The following CFI variants were observed in gnomAD, a reference collection of about 807,000 sequenced individuals.
CFI encodes C3B/C4B inactivator.
Under a neutral mutation model 78.8 loss-of-function variants are expected in CFI, and 66 were observed. The observed-to-expected ratio is 0.84, with a 90% CI of 0.69 to 1.03. The LOEUF is 1.03. Among genes scored for constraint, CFI ranks in the 50% least tolerant of loss-of-function variants. CFI has a pLI of 0.00. For synonymous variants in CFI, 250 were observed against 232.6 expected (o/e 1.07, Z -0.68); for missense variants, 706 against 704.5 (o/e 1.00, Z -0.02).
In CFI at chr4:109,760,315, C is replaced by A; in HGVS notation, c.838G>T (p.Gly280Cys). 1 of 1,614,150 alleles carries A rather than the reference C, an allele frequency of 6.2e-7. No homozygotes were observed. The highest frequency in any genetic ancestry group is 8.5e-7 in the Non-Finnish European group (1 of 1,179,996). The change falls in exon 6 of 13, where the codon GGT (glycine) becomes TGT (cysteine). Residue 280 changes from glycine (G) to cysteine (C), a missense_variant. By Grantham distance (159) the Gly-to-Cys change is radical. Coordinates refer to ENST00000394634, the MANE Select transcript of CFI (RefSeq NM_000204.5). ...TCCCCTGTAATGCAGTCCACCTCACCATTGCATTGATACTGGCTTGGAATG... is the reference window on the plus strand; with the variant it reads ...TCCCCTGTAATGCAGTCCACCTCACAATTGCATTGATACTGGCTTGGAATG... Reference protein sequence around the residue: ...VCIPSQYQCNGEVDCITGEDE... With the variant: ...VCIPSQYQCNCEVDCITGEDE...
At chr4:109,739,946 G>C (rs1208313949), downstream of CFI, among the ~76,000 whole-genome samples, 1 of 152,150 alleles carries the variant, frequency 6.6e-6, no homozygotes, top group Non-Finnish European at 1.5e-5. Context: ...GAGGGTCAAG[G>C]AATGCTTGTG....
intron 1 of CFI, among the ~76,000 whole-genome samples, chr4:109,780,652 T>C (rs1046117421): frequency 6.6e-6 from 1 of 152,186 alleles, no homozygotes; most frequent in East Asian, 1.9e-4. Flanking sequence ...ACTGGGCATA[T>C]ACCCAAAGAA....
intron 1 of CFI, among the ~76,000 whole-genome samples, chr4:109,789,767 C>T (rs1347898592): frequency 6.6e-6 from 1 of 151,922 alleles, no homozygotes; most frequent in Non-Finnish European, 1.5e-5. Context: ...GTCTTCATCT[C>T]TGTTTTGCAA....
chr4:109,767,597 A>G (rs1267953038), intron 1 of CFI, among the ~76,000 whole-genome samples: 1 of 150,998 alleles, frequency 6.6e-6, no homozygotes, highest in African/African-American at 2.4e-5. Context: ...ATCTCACACC[A>G]GTTAGAATGG....
chr4:109,739,461 A>G (rs540049595), downstream of CFI, among the ~76,000 whole-genome samples: 22 of 152,242 alleles, frequency 1.4e-4, no homozygotes, highest in African/African-American at 5.3e-4. Flanking sequence ...CACTGGGGGA[A>G]GAAAAGTACT....
At chr4:109,799,534 T>A (rs1053266299) in intron 1 of CFI, among the ~76,000 whole-genome samples, 2 of 152,112 alleles carry the variant, frequency 1.3e-5, no homozygotes, top group Non-Finnish European at 1.5e-5. Context: ...TACTTTCCCA[T>A]GGAAGATTAA....
At chr4:109,781,469 T>G (rs1390277020) in intron 1 of CFI, among the ~76,000 whole-genome samples, 1 of 152,014 alleles carries the variant, frequency 6.6e-6, no homozygotes, top group Non-Finnish European at 1.5e-5. Flanking sequence ...AAGAATTAGA[T>G]ACCCTGAACA....
chr4:109,760,792 A>T (rs929088133), intron 4 of CFI, among the ~76,000 whole-genome samples, 156 bp from the exon 5 acceptor site: 6 of 152,260 alleles, frequency 3.9e-5, no homozygotes, highest in Non-Finnish European at 8.8e-5. Context: ...CATATGACTC[A>T]TACAGAAAAT....
chr4:109,792,471 G>A (rs1322664859), intron 1 of CFI, among the ~76,000 whole-genome samples: 1 of 152,044 alleles, frequency 6.6e-6, no homozygotes. Context: ...AAATACTTGG[G>A]AGGCTGAGGC....
chr4:109,747,399 G>T (rs1030139592), intron 10 of CFI, among the ~76,000 whole-genome samples: 1 of 152,080 alleles, frequency 6.6e-6, no homozygotes. Flanking sequence ...TGTTCCCCAG[G>T]CTGGTCTCAA....
intron 1 of CFI, among the ~76,000 whole-genome samples, chr4:109,769,148 A>T (rs1728245017): frequency 6.6e-6 from 1 of 152,202 alleles, no homozygotes; most frequent in African/African-American, 2.4e-5. Flanking sequence ...TGAGAAATCC[A>T]AGCAACTTGA....
Position 109,746,278 on chromosome 4 carries a change from G to A in CFI, c.1373C>T (p.Pro458Leu). ...TGTATCATTAGGTTGGAATAGGTAA[G>A]GAGACCAGGGGACACAGGCAGGGAT... ...RSIPACVPWS[P>L]YLFQPNDTCI... is the part of the protein sequence containing the mutation. The change falls in exon 11 of 13, where the codon CCT (proline) becomes CTT (leucine). Residue 458 changes from proline (P) to leucine (L), a missense_variant. Physicochemically the swap from Pro to Leu is moderately conservative, Grantham distance 98. Coordinates refer to ENST00000394634, the MANE Select transcript of CFI (RefSeq NM_000204.5). 1 of 1,614,184 alleles carries A rather than the reference G, an allele frequency of 6.2e-7. No individual in the cohort carries two copies. The highest frequency in any genetic ancestry group is 8.5e-7 in the Non-Finnish European group (1 of 1,180,024).
At chr4:109,778,662 G>A (rs1729594133) in intron 1 of CFI, among the ~76,000 whole-genome samples, 1 of 152,064 alleles carries the variant, frequency 6.6e-6, no homozygotes, top group East Asian at 1.9e-4. Context: ...ACCAAAGCCT[G>A]GCAGAGACAC....
At chr4:109,800,853 A>T (rs1265396888) in intron 1 of CFI, among the ~76,000 whole-genome samples, 1 of 152,188 alleles carries the variant, frequency 6.6e-6, no homozygotes, top group Admixed American at 6.5e-5. Context: ...TAAATATGTC[A>T]TTTCAATGGC....
chr4:109,801,777 G>T, intron 1 of CFI, 138 bp downstream of exon 1: 2 of 590,646 alleles, frequency 3.4e-6, no homozygotes, highest in African/African-American at 1.9e-5. Flanking sequence ...AACATTTGTT[G>T]CTGACTATAG....
At chr4:109,738,488 G>A (rs1025325194), downstream of CFI, among the ~76,000 whole-genome samples, 1 of 152,168 alleles carries the variant, frequency 6.6e-6, no homozygotes, top group Non-Finnish European at 1.5e-5. Context: ...TCAGGACAAG[G>A]TGGTTTTCAA....
intron 1 of CFI, among the ~76,000 whole-genome samples, chr4:109,797,485 T>TTCTAAAATGTTTTAAG (rs1732203351): frequency 6.6e-6 from 1 of 152,166 alleles, no homozygotes; most frequent in Admixed American, 6.5e-5. Flanking sequence ...GAATAAAACA[T>TTCTAAAATGTTTTAAG]AAGTGATAAG....
intron 7 of CFI, among the ~76,000 whole-genome samples, chr4:109,757,298 T>A (rs574246074): frequency 3.3e-5 from 5 of 152,084 alleles, no homozygotes; most frequent in African/African-American, 1.2e-4. Context: ...CATCCCAAAG[T>A]GCTGGGATTA....
intron 1 of CFI, among the ~76,000 whole-genome samples, chr4:109,779,337 G>C (rs1293425456): frequency 2.6e-5 from 4 of 151,836 alleles, no homozygotes; most frequent in Non-Finnish European, 5.9e-5. Context: ...TATACACCAA[G>C]AACAGACGCA....
Sources: gnomAD v4.1 joint callset for allele counts (sites outside exome capture counted in the v4.1 genomes callset) on GRCh38, gnomAD v4.1.1 for gene constraint, MANE v1.5 for transcripts, NCBI Gene and HGNC (gene_info 2026-07-23, HGNC 2026-07-21) for gene names.